The following VPS13B variants were observed in gnomAD, a reference collection of about 807,000 sequenced individuals.
VPS13B encodes the protein vacuolar protein sorting 13 homolog B.
Under a neutral mutation model 426.4 loss-of-function variants are expected in VPS13B, and 285 were observed. The ratio of observed to expected loss-of-function variants is 0.67; its 90% CI spans 0.61 to 0.74. VPS13B has a LOEUF of 0.74. Among genes scored for constraint, VPS13B ranks in the 30% least tolerant of loss-of-function variants. VPS13B has a pLI of 0.00. For missense variants in VPS13B, 4,537 were observed against 4,782.6 expected (o/e 0.95, Z 1.51); for synonymous variants, 1,676 against 1,676.4 (o/e 1.00, Z 0.01).
chr8:99,290,340 T>G (rs143317074), intron 19 of VPS13B, among the ~76,000 whole-genome samples: 5 of 152,194 alleles, frequency 3.3e-5, no homozygotes, highest in Non-Finnish European at 5.9e-5. Flanking sequence ...AAATGATGAA[T>G]TCATGTCCTT....
intron 17 of VPS13B, among the ~76,000 whole-genome samples, chr8:99,257,199 A>G (rs1817791186): frequency 6.6e-6 from 1 of 152,160 alleles, no homozygotes; most frequent in African/African-American, 2.4e-5. Flanking sequence ...ATATATATTC[A>G]AACCGTAGCA....
At chr8:99,478,447 G>GTTTTGT (rs1819822769) in intron 24 of VPS13B, among the ~76,000 whole-genome samples, 309 of 85,536 alleles carry the variant, frequency 3.6e-3, no homozygotes, top group Middle Eastern at 9.6e-3. Context: ...TTTTTGTTTT[G>GTTTTGT]TTTTTTTTTT....
At chr8:99,128,144 A>G (rs1809532365) in intron 8 of VPS13B, among the ~76,000 whole-genome samples, 3 of 152,056 alleles carry the variant, frequency 2.0e-5, no homozygotes, top group South Asian at 2.1e-4. Context: ...TAATCCCAGC[A>G]CTTTGGGAGG....
intron 16 of VPS13B, among the ~76,000 whole-genome samples, chr8:99,192,636 T>C (rs1258118843): frequency 6.6e-6 from 1 of 152,228 alleles, no homozygotes; most frequent in Non-Finnish European, 1.5e-5. Context: ...GAGCAGTATA[T>C]GTGTAGGTGA....
At chr8:99,103,905 A>C (rs938195195) in intron 5 of VPS13B, among the ~76,000 whole-genome samples, 1 of 152,090 alleles carries the variant, frequency 6.6e-6, no homozygotes, top group African/African-American at 2.4e-5. Context: ...CAAAGTGCTG[A>C]GATTACAGGA....
rs561999224 is a variant in VPS13B at position 99,809,187 on chromosome 8, C to T, written c.7942-188C>T. 1.2e-4 allele frequency among the ~76,000 whole-genome samples: 18 copies of T among 152,272 alleles called. No homozygotes were observed. In the South Asian group the frequency reaches 3.5e-3, roughly 30 times the overall value. ...TGTGATCTGAAAAACCACATTGACT[C>T]TATGTGACATATTTGCTATTCTTAG... On this transcript the variant is annotated intron_variant, in intron 43 of 61. Coordinates refer to ENST00000357162, the MANE Select transcript of VPS13B (RefSeq NM_152564.5).
At chr8:99,660,424 G>A (rs1383325071) in intron 34 of VPS13B, among the ~76,000 whole-genome samples, 1 of 152,060 alleles carries the variant, frequency 6.6e-6, no homozygotes, top group Non-Finnish European at 1.5e-5. Context: ...CAAATAGACT[G>A]AAAATGGAAT....
Position 99,511,186 on chromosome 8 carries a change from T to A in VPS13B, c.4307T>A (p.Val1436Asp). 2 of 1,614,056 alleles carry A rather than the reference T, an allele frequency of 1.2e-6. No homozygotes were observed. Among genetic ancestry groups the A allele is most frequent in the Non-Finnish European group, 1.7e-6 (2 of 1,180,000 alleles). The change falls in exon 29 of 62, where the codon GTC (valine) becomes GAC (aspartate). Residue 1436 changes from valine to aspartate, a missense_variant. Physicochemically the swap from Val to Asp is radical, Grantham distance 152. Transcript: ENST00000357162. ...TACACAAAAGCTGTAACAAAAAATG[T>A]CCGCCACAAGTTAACATCAAGAAAT... ...LTYTKAVTKN[V>D]RHKLTSRNER...
At chr8:99,173,683 A>AT (rs1812481693) in intron 16 of VPS13B, among the ~76,000 whole-genome samples, 1 of 152,118 alleles carries the variant, frequency 6.6e-6, no homozygotes, top group Admixed American at 6.5e-5. Context: ...TGTTAGACTG[A>AT]TTTTTCAGCT....
chr8:99,414,223 A>G (rs1815856981), intron 21 of VPS13B, among the ~76,000 whole-genome samples: 1 of 148,004 alleles, frequency 6.8e-6, no homozygotes, highest in Non-Finnish European at 1.5e-5. Flanking sequence ...ATCAGAGACT[A>G]GGATTGCAAC....
intron 3 of VPS13B, chr8:99,091,588 G>A (rs1846151321): frequency 1.3e-5 from 2 of 152,128 alleles, no homozygotes; most frequent in Non-Finnish European, 2.9e-5. Context: ...TGTTAAGGTA[G>A]AGTTGAGTCA....
intron 60 of VPS13B, 102 bp downstream of exon 60, chr8:99,870,989 G>A (rs1174562918): frequency 1.7e-6 from 2 of 1,195,000 alleles, no homozygotes; most frequent in Non-Finnish European, 2.4e-6. Context: ...GGGAGCCCAG[G>A]AGTAGCCATT....
chr8:99,455,801 G>A (rs1818423908), intron 23 of VPS13B, among the ~76,000 whole-genome samples: 2 of 152,144 alleles, frequency 1.3e-5, no homozygotes, highest in Non-Finnish European at 2.9e-5. Context: ...TATATCAGTA[G>A]TGTTCCTTTT....
chr8:99,094,947 G>C (rs1447877439), intron 3 of VPS13B, among the ~76,000 whole-genome samples: 4 of 152,106 alleles, frequency 2.6e-5, no homozygotes, highest in African/African-American at 9.7e-5. Flanking sequence ...TTTACTTCAA[G>C]CAAAAATGTA....
chr8:99,175,220 T>C (rs1040416476), intron 16 of VPS13B, among the ~76,000 whole-genome samples: 2 of 152,220 alleles, frequency 1.3e-5, no homozygotes, highest in African/African-American at 4.8e-5. Context: ...CAAGCTTTTC[T>C]AAAAACTTGA....
chr8:99,734,426 A>G (rs1833735504), intron 39 of VPS13B, among the ~76,000 whole-genome samples: 3 of 152,242 alleles, frequency 2.0e-5, no homozygotes, highest in Admixed American at 2.0e-4. Flanking sequence ...CAAAAAGCTT[A>G]AAATCTAAGC....
chr8:99,259,215 T>C (rs1817917939), intron 17 of VPS13B, among the ~76,000 whole-genome samples: 1 of 152,138 alleles, frequency 6.6e-6, no homozygotes, highest in African/African-American at 2.4e-5. Context: ...TCTTTGCATA[T>C]CCTGTAGTAT....
chr8:99,859,522 CCTTT>C (rs1563513271), intron 57 of VPS13B, 42 bp downstream of exon 57: 1 of 1,592,304 alleles, frequency 6.3e-7, no homozygotes, highest in East Asian at 2.2e-5. Flanking sequence ...TCACTCCTTC[CCTTT>C]TTTTTTTTTT....
chr8:99,565,975 A>G (rs568598730), intron 31 of VPS13B, among the ~76,000 whole-genome samples: 1 of 152,258 alleles, frequency 6.6e-6, no homozygotes, highest in South Asian at 2.1e-4. Flanking sequence ...AAACCTTACC[A>G]TGCCTTTACA....
Sources: allele counts gnomAD v4.1 joint callset (sites outside exome capture counted in the v4.1 genomes callset), GRCh38; gene constraint gnomAD v4.1.1; transcripts MANE v1.5; gene names NCBI Gene and HGNC (gene_info 2026-07-23, HGNC 2026-07-21).